The following C12orf42 variants were observed in gnomAD, a reference collection of about 807,000 sequenced individuals.
C12orf42 encodes the protein uncharacterized protein C12orf42.
In C12orf42, 25 loss-of-function variants were observed where a neutral mutation model predicts 21.6. The observed-to-expected ratio is 1.16, with a 90% CI of 0.84 to 1.62. The LOEUF is 1.62. Among genes scored for constraint, C12orf42 ranks in the 40% most tolerant of loss-of-function variants. The pLI is 0.00. For synonymous variants in C12orf42, 174 were observed against 175.0 expected, an observed-to-expected ratio of 0.99 and a Z score of 0.05; for missense variants, 483 against 459.3, an observed-to-expected ratio of 1.05 and a Z score of -0.47.
intron 4 of C12orf42, among the ~76,000 whole-genome samples, chr12:103,323,757 T>C (rs2040410952): frequency 6.6e-6 from 1 of 152,112 alleles, no homozygotes; most frequent in African/African-American, 2.4e-5. Context: ...AATTCAAATT[T>C]AAAATGAAAA....
chr12:103,155,971 C>A, the C12orf42 span: 2 of 151,090 alleles, frequency 1.3e-5, no homozygotes, highest in Non-Finnish European at 2.9e-5. Flanking sequence ...AAAATATTTT[C>A]TAATTATGAA....
chr12:103,231,154 T>G, the C12orf42 span, among the ~76,000 whole-genome samples: 2 of 152,198 alleles, frequency 1.3e-5, no homozygotes, highest in African/African-American at 4.8e-5. Flanking sequence ...GACCTCACAT[T>G]TTATAGCAAT....
At chr12:103,336,752 C>T (rs758477050) in intron 4 of C12orf42, among the ~76,000 whole-genome samples, 12 of 152,246 alleles carry the variant, frequency 7.9e-5, no homozygotes, top group Admixed American at 2.6e-4. Context: ...TTTTTATACG[C>T]ATCAACTCAT....
the C12orf42 span, among the ~76,000 whole-genome samples, chr12:103,542,226 C>T: frequency 6.6e-6 from 1 of 152,276 alleles, no homozygotes; most frequent in African/African-American, 2.4e-5. Context: ...ACTACCAGCT[C>T]TGGGTGGTTT....
chr12:103,366,486 C>A (rs183856977), intron 4 of C12orf42, among the ~76,000 whole-genome samples: 9 of 152,116 alleles, frequency 5.9e-5, no homozygotes, highest in Non-Finnish European at 1.3e-4. Context: ...AACTAAAGAG[C>A]TTTTGCATGG....
intron 4 of C12orf42, among the ~76,000 whole-genome samples, chr12:103,355,579 C>T (rs147615183): frequency 2.4e-4 from 36 of 152,178 alleles, no homozygotes; most frequent in African/African-American, 8.7e-4. Context: ...CTACCTCCTC[C>T]TGCTGTATAG....
chr12:103,142,514 T>C, the C12orf42 span, among the ~76,000 whole-genome samples: 2 of 152,240 alleles, frequency 1.3e-5, no homozygotes, highest in African/African-American at 4.8e-5. Context: ...TCTACATAAC[T>C]AAATTTGGTA....
At chr12:103,177,025 A>G in the C12orf42 span, among the ~76,000 whole-genome samples, 1 of 152,172 alleles carries the variant, frequency 6.6e-6, no homozygotes, top group South Asian at 2.1e-4. Context: ...TCATTATTCA[A>G]CAGTTTATGA....
chr12:103,497,994 C>G (rs1164250340), upstream of C12orf42, among the ~76,000 whole-genome samples: 1 of 151,438 alleles, frequency 6.6e-6, no homozygotes, highest in Non-Finnish European at 1.5e-5. Flanking sequence ...GAGACAGCGC[C>G]ACTTCACTCC....
chr12:103,159,835 G>C, the C12orf42 span, among the ~76,000 whole-genome samples: 2 of 152,188 alleles, frequency 1.3e-5, no homozygotes, highest in Non-Finnish European at 2.9e-5. Context: ...CTCTTAGTTA[G>C]TGCATGCTTA....
At chr12:103,491,495 A>G (rs1288794777) in intron 1 of C12orf42, among the ~76,000 whole-genome samples, 4 of 152,220 alleles carry the variant, frequency 2.6e-5, no homozygotes, top group Non-Finnish European at 4.4e-5. Flanking sequence ...AAAGCCTTAT[A>G]TCTAATGGAC....
intron 4 of C12orf42, among the ~76,000 whole-genome samples, chr12:103,343,496 A>C (rs1331697712): frequency 6.6e-6 from 1 of 152,116 alleles, no homozygotes; most frequent in Non-Finnish European, 1.5e-5. Flanking sequence ...ACACTTTCTG[A>C]GGCCGGGCAT....
chr12:103,321,912 G>A (rs2040171081), intron 4 of C12orf42, among the ~76,000 whole-genome samples: 1 of 152,018 alleles, frequency 6.6e-6, no homozygotes, highest in African/African-American at 2.4e-5. Flanking sequence ...TATACCTAAT[G>A]CTAGATGAGG....
chr12:103,148,367 T>A, the C12orf42 span, among the ~76,000 whole-genome samples: 1 of 152,202 alleles, frequency 6.6e-6, no homozygotes, highest in Admixed American at 6.5e-5. Context: ...TTTGCTTTCA[T>A]TCAAGCCACC....
chr12:103,493,717 G>A (rs1955329135), intron 1 of C12orf42, among the ~76,000 whole-genome samples: 1 of 108,892 alleles, frequency 9.2e-6, no homozygotes, highest in Non-Finnish European at 2.0e-5. Flanking sequence ...AGCCAAAAGG[G>A]GAGACAAAAA....
At chr12:103,142,350 G>A in the C12orf42 span, among the ~76,000 whole-genome samples, 11 of 152,128 alleles carry the variant, frequency 7.2e-5, no homozygotes, top group African/African-American at 2.4e-4. Context: ...CTCACAAGCT[G>A]CTTCTTACAG....
At chr12:103,452,174 T>G (rs1463254224) in intron 2 of C12orf42, among the ~76,000 whole-genome samples, 1 of 151,922 alleles carries the variant, frequency 6.6e-6, no homozygotes, top group African/African-American at 2.4e-5. Context: ...TGTTTGGCTA[T>G]GGGCTGAAGT....
At chr12:103,402,204 G>C (rs1052054527) in intron 2 of C12orf42, among the ~76,000 whole-genome samples, 4 of 152,168 alleles carry the variant, frequency 2.6e-5, no homozygotes, top group Admixed American at 1.3e-4. Flanking sequence ...GTAGAAACCT[G>C]TGAATGAAAC....
chr12:103,051,677 A>G, the C12orf42 span, among the ~76,000 whole-genome samples: 6 of 152,172 alleles, frequency 3.9e-5, no homozygotes, highest in Non-Finnish European at 8.8e-5. Flanking sequence ...TCATCCAGGA[A>G]TCCATGAGCA....
Sources: allele counts gnomAD v4.1 joint callset (sites outside exome capture counted in the v4.1 genomes callset), GRCh38; gene constraint gnomAD v4.1.1; transcripts MANE v1.5; gene names NCBI Gene and HGNC (gene_info 2026-07-23, HGNC 2026-07-21).